BOC: variants seen among roughly 807,000 people sequenced by gnomAD.
BOC encodes the protein BOC cell adhesion associated, oncogene regulated.
Under a neutral mutation model 112.0 loss-of-function variants are expected in BOC, and 76 were observed. The ratio of observed to expected loss-of-function variants is 0.68; its 90% CI spans 0.56 to 0.82. BOC has a LOEUF of 0.82. BOC is among the 40% of genes least tolerant of loss of function. The pLI is 0.00. For missense variants in BOC, 1,309 were observed against 1,511.7 expected (o/e 0.87, Z 2.22); for synonymous variants, 580 against 599.8 (o/e 0.97, Z 0.48).
At chr3:113,276,298 G>A (rs992741665) in intron 9 of BOC, among the ~76,000 whole-genome samples, 1 of 152,348 alleles carries the variant, frequency 6.6e-6, no homozygotes, top group South Asian at 2.1e-4. Flanking sequence ...GGCTCAGGCC[G>A]CATTCACCCC....
intron 15 of BOC, among the ~76,000 whole-genome samples, chr3:113,281,828 C>G (rs1261721640): frequency 6.6e-6 from 1 of 152,230 alleles, no homozygotes; most frequent in African/African-American, 2.4e-5. Flanking sequence ...ATGGCATTCT[C>G]TCTCCTGCTT....
chr3:113,250,534 G>T (rs370097945), intron 3 of BOC, 21 bp from the exon 4 acceptor site: 1 of 1,592,136 alleles, frequency 6.3e-7, no homozygotes, highest in African/African-American at 1.3e-5. Context: ...GTTCATTGCT[G>T]CATCCCTGTT....
chr3:113,238,553 C>T (rs1187780258), intron 2 of BOC, among the ~76,000 whole-genome samples: 1 of 152,182 alleles, frequency 6.6e-6, no homozygotes, highest in Non-Finnish European at 1.5e-5. Context: ...CATGTTGCTA[C>T]TTGAGCTTTA....
At chr3:113,237,247 T>A (rs998148535) in intron 2 of BOC, among the ~76,000 whole-genome samples, 9 of 152,218 alleles carry the variant, frequency 5.9e-5, no homozygotes, top group Non-Finnish European at 1.0e-4. Flanking sequence ...AGCCGTGGGC[T>A]CAGCACATCA....
chr3:113,231,318 A>G (rs1452596118), intron 2 of BOC, among the ~76,000 whole-genome samples: 1 of 152,244 alleles, frequency 6.6e-6, no homozygotes, highest in Non-Finnish European at 1.5e-5. Context: ...AACTGATACT[A>G]AAATTTAAGT....
Position 113,285,424 on chromosome 3 carries a change from G to A in BOC, c.3019G>A (p.Asp1007Asn), listed in dbSNP as rs777649609. ...CTCTTTCTTATACACACTGCCCGAC[G>A]ACTCCACTCACCAGCTGCTGCAGCC... ...EGSFLYTLPD[D>N]STHQLLQPHH... The change falls in exon 19 of 20, where the codon GAC becomes AAC. Residue 1007 changes from aspartate to asparagine, a missense_variant. Physicochemically the swap from Asp to Asn is conservative, Grantham distance 23 (BLOSUM62 1). Transcript: ENST00000682979. 10 of 1,613,748 alleles carry A rather than the reference G, an allele frequency of 6.2e-6. 1 individual carries two copies. The highest frequency in any genetic ancestry group is 7.6e-6 in the Non-Finnish European group (9 of 1,179,902).
intron 2 of BOC, among the ~76,000 whole-genome samples, chr3:113,249,258 C>G (rs1945318764): frequency 6.6e-6 from 1 of 152,230 alleles, no homozygotes; most frequent in Non-Finnish European, 1.5e-5. Flanking sequence ...ACACACACGG[C>G]ACTGCTGTCC....
rs1948925903 is a variant in BOC at position 113,278,929 on chromosome 3, T to G, written c.1816+146T>G. ...TTAACCACAATGAGGAAATGTAGTT[T>G]GGAGCTTTTTAAATAAAAGGCTGGC... On this transcript the variant is annotated intron_variant, in intron 11 of 19. Transcript: ENST00000682979. This position sits in a 1 kb window ranked among gnomAD's most constrained non-coding sequence, Gnocchi z 4.2. The G allele has an allele frequency of 9.6e-6, 7 of 726,524 alleles. No homozygotes were observed. Among genetic ancestry groups the G allele is most frequent in the Non-Finnish European group, 1.6e-5 (7 of 446,576 alleles). The allele number at this position is 726,524 out of a possible 1,614,324, so 45.0% of individuals were successfully genotyped here. A position where few individuals can be genotyped will look rare whatever the true frequency, so the allele number is the denominator to read the frequency against.
chr3:113,235,241 C>T (rs1376459538), intron 2 of BOC, among the ~76,000 whole-genome samples: 2 of 152,144 alleles, frequency 1.3e-5, no homozygotes, highest in African/African-American at 4.8e-5. Flanking sequence ...ATTTCCTTTC[C>T]AGCCACTATA....
rs1029862359 is a variant in BOC at position 113,285,389 on chromosome 3, C to T, written c.2984C>T (p.Pro995Leu). Residue 995 changes from proline (P) to leucine (L), a missense_variant, in exon 19 of 20, where the codon CCG becomes CTG. Physicochemically the swap from Pro to Leu is moderately conservative, Grantham distance 98. Transcript: ENST00000682979. ...HQITRGPKSS[P>L]DEGSFLYTLP... ...CACTGCAGGGGTCCCAAGTCTAGCCCGGACGAGGGCTCTTTCTTATACACA... is the reference window on the plus strand; with the variant it reads ...CACTGCAGGGGTCCCAAGTCTAGCCTGGACGAGGGCTCTTTCTTATACACA... 6 of 1,613,124 alleles carry T rather than the reference C, an allele frequency of 3.7e-6. No individual in the cohort carries two copies. Among genetic ancestry groups the T allele is most frequent in the African/African-American group, 1.3e-5 (1 of 75,016 alleles).
At chr3:113,277,985 C>A in intron 9 of BOC, 110 bp from the exon 10 acceptor site, 2 of 1,403,956 alleles carry the variant, frequency 1.4e-6, no homozygotes, top group Non-Finnish European at 2.0e-6. Context: ...GGCTTATCGT[C>A]CTTCCCCTTC....
intron 4 of BOC, among the ~76,000 whole-genome samples, chr3:113,254,164 C>T (rs1040126534): frequency 3.9e-5 from 6 of 152,154 alleles, no homozygotes; most frequent in African/African-American, 1.4e-4. Context: ...TTGGTTGCAA[C>T]CCAAGAAGGC....
At chr3:113,264,475 CT>C (rs1289757400) in intron 4 of BOC, among the ~76,000 whole-genome samples, 1 of 152,198 alleles carries the variant, frequency 6.6e-6, no homozygotes, top group Non-Finnish European at 1.5e-5. Flanking sequence ...GGGCCTGTCC[CT>C]TATTTCCAGT....
At chr3:113,244,155 A>G (rs561304528) in intron 2 of BOC, among the ~76,000 whole-genome samples, 6 of 152,224 alleles carry the variant, frequency 3.9e-5, no homozygotes, top group Non-Finnish European at 7.3e-5. Flanking sequence ...CTAGGAAATG[A>G]AGAGGAGCTT....
intron 2 of BOC, among the ~76,000 whole-genome samples, chr3:113,244,622 A>G (rs1416608673): frequency 6.6e-6 from 1 of 152,246 alleles, no homozygotes; most frequent in Non-Finnish European, 1.5e-5. Flanking sequence ...TGAGAACTTC[A>G]TAGCCCTGAG....
intron 4 of BOC, among the ~76,000 whole-genome samples, chr3:113,260,072 C>T (rs1173091118): frequency 6.6e-6 from 1 of 152,174 alleles, no homozygotes; most frequent in African/African-American, 2.4e-5. Flanking sequence ...GGGTTTGCTT[C>T]CACAGCCCTT....
chr3:113,233,560 C>G (rs1225985308), intron 2 of BOC, among the ~76,000 whole-genome samples: 1 of 152,204 alleles, frequency 6.6e-6, no homozygotes, highest in African/African-American at 2.4e-5. Context: ...CTTCTCTCCA[C>G]CATGACCTTT....
chr3:113,261,865 C>T (rs9874603), intron 4 of BOC: 62,469 of 151,810 alleles, frequency 0.41, 14,423 homozygotes, highest in East Asian at 0.59. Context: ...TTCCCCAATC[C>T]CAGCTTTCTT....
At chr3:113,216,570 C>T (rs553999330) in intron 2 of BOC, 37 of 235,542 alleles carry the variant, frequency 1.6e-4, no homozygotes, top group Non-Finnish European at 2.6e-4. Context: ...GAAAAAGTCC[C>T]GCGTAGGTTT....
Sources: allele counts gnomAD v4.1 joint callset (sites outside exome capture counted in the v4.1 genomes callset), GRCh38; gene constraint gnomAD v4.1.1; non-coding constraint Gnocchi (gnomAD v3.1); transcripts MANE v1.5; gene names NCBI Gene and HGNC (gene_info 2026-07-23, HGNC 2026-07-21).